Variants in AFF3 observed in about 807,000 individuals in gnomAD.
AFF3 encodes ALF transcription elongation factor 3, also known as AF4/FMR2 family member 3.
Under a neutral mutation model 129.7 loss-of-function variants are expected in AFF3, and 32 were observed. The ratio of observed to expected loss-of-function variants is 0.25; its 90% confidence interval spans 0.19 to 0.33. AFF3 has a LOEUF of 0.33. Among genes scored for constraint, AFF3 ranks in the 10% least tolerant of loss-of-function variants. The pLI is 1.00. For missense variants in AFF3, 1,373 were observed against 1,592.0 expected, an observed-to-expected ratio of 0.86 and a Z score of 2.34; for synonymous variants, 644 against 635.4, an observed-to-expected ratio of 1.01 and a Z score of -0.20.
chr2:99,564,934 G>A (rs183257293), intron 20 of AFF3, among the ~76,000 whole-genome samples: 1 of 152,260 alleles, frequency 6.6e-6, no homozygotes, highest in Admixed American at 6.5e-5. Context: ...TGCCTTTCCA[G>A]GTCTCCATCA....
At chr2:99,697,455 G>A (rs574133141) in intron 11 of AFF3, among the ~76,000 whole-genome samples, 268 of 152,236 alleles carry the variant, frequency 1.8e-3, no homozygotes, top group Middle Eastern at 3.4e-3. Flanking sequence ...TTTTTACAGA[G>A]AAAAAAATGC....
intron 8 of AFF3, among the ~76,000 whole-genome samples, chr2:99,810,226 G>C (rs1686682096): frequency 6.6e-6 from 1 of 152,174 alleles, no homozygotes; most frequent in Non-Finnish European, 1.5e-5. Context: ...GGAATGCTGT[G>C]GTTATGGAAA....
chr2:100,127,145 C>A (rs1237188632), intron 2 of AFF3, among the ~76,000 whole-genome samples: 1 of 152,148 alleles, frequency 6.6e-6, no homozygotes, highest in Non-Finnish European at 1.5e-5. Context: ...AATCACAGTT[C>A]ATCCAGTCAG....
At chr2:99,954,032 C>A in intron 7 of AFF3, among the ~76,000 whole-genome samples, 1 of 152,184 alleles carries the variant, frequency 6.6e-6, no homozygotes, top group East Asian at 1.9e-4. Flanking sequence ...AGGCCATGGC[C>A]TAAGTTGCCT....
intron 7 of AFF3, among the ~76,000 whole-genome samples, chr2:99,969,136 TA>T (rs754185082): frequency 7.9e-5 from 12 of 152,304 alleles, no homozygotes; most frequent in Non-Finnish European, 1.8e-4. Context: ...TGCTTGGGTA[TA>T]AGGGAGAGGA....
At chr2:100,125,010 G>C (rs1243125278) in intron 2 of AFF3, among the ~76,000 whole-genome samples, 1 of 152,124 alleles carries the variant, frequency 6.6e-6, no homozygotes, top group African/African-American at 2.4e-5. Context: ...TAGCAACTTG[G>C]TTGCAATTTC....
chr2:100,055,104 A>G (rs1478198282), intron 4 of AFF3, among the ~76,000 whole-genome samples: 1 of 152,128 alleles, frequency 6.6e-6, no homozygotes, highest in Non-Finnish European at 1.5e-5. Flanking sequence ...GCTCATATTG[A>G]GTCTGCAGTT....
intron 7 of AFF3, among the ~76,000 whole-genome samples, chr2:99,844,006 G>T (rs996415572): frequency 6.6e-6 from 1 of 151,850 alleles, no homozygotes; most frequent in Admixed American, 6.6e-5. Flanking sequence ...CTCCAGCCTG[G>T]ATGACACAGT....
chr2:99,821,581 C>T (rs1576094351), intron 8 of AFF3, among the ~76,000 whole-genome samples: 1 of 152,366 alleles, frequency 6.6e-6, no homozygotes, highest in Non-Finnish European at 1.5e-5. Context: ...TCCTGGGCTG[C>T]ATGCAGCCCG....
intron 15 of AFF3, among the ~76,000 whole-genome samples, chr2:99,588,366 C>T (rs765408120): frequency 2.6e-5 from 4 of 151,990 alleles, no homozygotes; most frequent in Non-Finnish European, 5.9e-5. Flanking sequence ...TTTGTAGAGA[C>T]GGGGCTTTGC....
At chr2:99,760,684 A>T (rs977285103) in intron 8 of AFF3, among the ~76,000 whole-genome samples, 1 of 152,114 alleles carries the variant, frequency 6.6e-6, no homozygotes, top group African/African-American at 2.4e-5. Context: ...TACTTTGGCC[A>T]TCCTTTAACC....
At chr2:99,784,434 A>C (rs953344069) in intron 8 of AFF3, among the ~76,000 whole-genome samples, 1 of 152,240 alleles carries the variant, frequency 6.6e-6, no homozygotes, top group Non-Finnish European at 1.5e-5. Flanking sequence ...GCTGCACAGC[A>C]CAGAAAGGAG....
rs546272823 is a variant in AFF3 at position 99,549,809 on chromosome 2, A to G, written c.*1665T>C. On this transcript the variant is annotated 3_prime_UTR_variant, in exon 25 of 25. Coordinates refer to ENST00000672756, the MANE Select transcript of AFF3 (RefSeq NM_001386135.1). ...TGATGATCTTACTTCCCACCTACAG[A>G]TCAGGCTAACAAAAATGTTAACACT... The G allele has an allele frequency of 9.0e-6, 2 of 222,640 alleles. No homozygotes were observed. The highest frequency in any genetic ancestry group is 3.7e-4 in the South Asian group (2 of 5,440). The allele number at this position is 222,640 out of a possible 1,614,324, so 13.8% of individuals were successfully genotyped here. A position where few individuals can be genotyped will look rare whatever the true frequency, so the allele number is the denominator to read the frequency against.
At chr2:100,058,176 A>C (rs1686958814) in intron 4 of AFF3, among the ~76,000 whole-genome samples, 1 of 152,226 alleles carries the variant, frequency 6.6e-6, no homozygotes, top group Non-Finnish European at 1.5e-5. Flanking sequence ...GGCATTTTAT[A>C]AACATGATTT....
At chr2:99,595,517 G>A (rs1300333838) in intron 14 of AFF3, among the ~76,000 whole-genome samples, 9 of 151,824 alleles carry the variant, frequency 5.9e-5, no homozygotes, top group Non-Finnish European at 5.9e-5. Flanking sequence ...TCTGTTGCCA[G>A]AGAAAAAATG....
At chr2:99,567,453 C>T (rs1676078993) in intron 19 of AFF3, among the ~76,000 whole-genome samples, 1 of 152,126 alleles carries the variant, frequency 6.6e-6, no homozygotes, top group Admixed American at 6.5e-5. Flanking sequence ...GTTCAAAGTG[C>T]AAGGCAGTCT....
chr2:99,701,034 C>T (rs576902510), intron 11 of AFF3, among the ~76,000 whole-genome samples: 29 of 152,318 alleles, frequency 1.9e-4, no homozygotes, highest in African/African-American at 6.7e-4. Flanking sequence ...CCCTGACTGA[C>T]AGCATGTCCA....
chr2:99,969,156 A>T (rs1202656976), intron 7 of AFF3, among the ~76,000 whole-genome samples: 1 of 152,188 alleles, frequency 6.6e-6, no homozygotes, highest in African/African-American at 2.4e-5. Context: ...GAGAAGATGG[A>T]GGTGCACTGC....
At chr2:99,648,883 G>GCACACACA (rs1435440135) in intron 13 of AFF3, among the ~76,000 whole-genome samples, 13 of 90,850 alleles carry the variant, frequency 1.4e-4, no homozygotes, top group Non-Finnish European at 2.4e-4. Flanking sequence ...CAAAACACGC[G>GCACACACA]CGCACACACA....
Sources: allele counts gnomAD v4.1 joint callset (sites outside exome capture counted in the v4.1 genomes callset), GRCh38; gene constraint gnomAD v4.1.1; transcripts MANE v1.5; gene names NCBI Gene and HGNC (gene_info 2026-07-23, HGNC 2026-07-21).